The following FHL5 variants were observed in gnomAD, a reference collection of about 807,000 sequenced individuals.
FHL5 encodes four and a half LIM domains 5, also known as four and a half LIM domains protein 5.
Under a neutral mutation model 32.0 loss-of-function variants are expected in FHL5, and 33 were observed. That is an observed-to-expected ratio of 1.03 (90% CI 0.78 to 1.38). FHL5 has a LOEUF of 1.38. Among genes scored for constraint, FHL5 ranks in the 40% most tolerant of loss-of-function variants. The pLI, the probability that FHL5 is intolerant of heterozygous loss-of-function variation, is 0.00. For synonymous variants in FHL5, 114 were observed against 113.6 expected (o/e 1.00, Z -0.02); for missense variants, 336 against 343.9 (o/e 0.98, Z 0.18).
intron 1 of FHL5, among the ~76,000 whole-genome samples, chr6:96,593,434 A>G (rs1770963326): frequency 6.6e-6 from 1 of 152,172 alleles, no homozygotes; most frequent in Non-Finnish European, 1.5e-5. Flanking sequence ...ATGTGTATTT[A>G]TTCTGGTGTT....
At chr6:96,609,298 T>G (rs1771348629) in intron 4 of FHL5, among the ~76,000 whole-genome samples, 1 of 152,196 alleles carries the variant, frequency 6.6e-6, no homozygotes, top group Non-Finnish European at 1.5e-5. Context: ...ACAAAGGTTA[T>G]AGGAACCACC....
chr6:96,590,291 A>C (rs1770887190), intron 1 of FHL5, among the ~76,000 whole-genome samples: 1 of 151,966 alleles, frequency 6.6e-6, no homozygotes, highest in Non-Finnish European at 1.5e-5. Context: ...TTTTCCTTCC[A>C]TGTATTTATT....
chr6:96,573,658 A>T (rs1400009157), intron 1 of FHL5, among the ~76,000 whole-genome samples: 1 of 148,542 alleles, frequency 6.7e-6, no homozygotes, highest in African/African-American at 2.5e-5. Flanking sequence ...AGTAGCTGGG[A>T]CTACAGGTGC....
At chr6:96,602,048 G>A (rs915017406) in intron 1 of FHL5, among the ~76,000 whole-genome samples, 2 of 152,124 alleles carry the variant, frequency 1.3e-5, no homozygotes, top group Admixed American at 6.5e-5. Context: ...TTCTCTACTT[G>A]TTAGTGAAGA....
At chr6:96,584,461 T>TGTGTGTGTGTGTGTGTGTG (rs1770757947) in intron 1 of FHL5, among the ~76,000 whole-genome samples, 1 of 85,220 alleles carries the variant, frequency 1.2e-5, no homozygotes, top group Admixed American at 1.1e-4. Context: ...GTGTGTGTGT[T>TGTGTGTGTGTGTGTGTGTG]TGTGTGTGTG....
intron 1 of FHL5, among the ~76,000 whole-genome samples, chr6:96,566,014 A>T (rs1305651160): frequency 6.6e-6 from 1 of 152,032 alleles, no homozygotes; most frequent in Non-Finnish European, 1.5e-5. Context: ...AACATTTACA[A>T]TCCACTCTTC....
intron 1 of FHL5, among the ~76,000 whole-genome samples, chr6:96,587,849 C>T (rs979357041): frequency 4.6e-5 from 7 of 152,202 alleles, no homozygotes; most frequent in African/African-American, 1.7e-4. Context: ...CTCTCTACAA[C>T]TTGCTTGTTT....
chr6:96,572,363 G>T (rs1420900237), intron 1 of FHL5, among the ~76,000 whole-genome samples: 1 of 152,192 alleles, frequency 6.6e-6, no homozygotes, highest in African/African-American at 2.4e-5. Context: ...CCAAGAGACA[G>T]GATGCTGCTT....
intron 1 of FHL5, among the ~76,000 whole-genome samples, chr6:96,583,121 C>A (rs1190685579): frequency 6.6e-6 from 1 of 151,940 alleles, no homozygotes; most frequent in Non-Finnish European, 1.5e-5. Flanking sequence ...GATTTTTAAC[C>A]CAATGCTCTT....
rs1771510512 is a variant in FHL5 at position 96,615,894 on chromosome 6, GT to G, written c.*127del. 17 of 764,294 alleles carry G rather than the reference GT, an allele frequency of 2.2e-5. 1 individual carries two copies. In the East Asian group the frequency reaches 4.9e-4, roughly 22 times the overall value. The allele number at this position is 764,294 out of a possible 1,614,324, so 47.3% of individuals were successfully genotyped here. On this transcript the variant is annotated 3_prime_UTR_variant, in exon 6 of 6. Coordinates refer to ENST00000450218, the MANE Select transcript of FHL5 (RefSeq NM_001322466.2). The stretch of plus-strand genomic sequence containing the variant: ...TATTCATGTAGTTTAGAGTGGAAAA[GT>G]TTTTGCACACATTTTGATCGAACTA...
In FHL5 at chr6:96,605,948, T is replaced by C; in HGVS notation, c.381T>C (p.Cys127=). The change falls in exon 4 of 6, where the codon TGT becomes TGC. Residue 127 remains cysteine, a synonymous_variant. Coordinates refer to ENST00000450218, the MANE Select transcript of FHL5 (RefSeq NM_001322466.2). ...EFKGNYWHET[C]FVCENCRQPI... is the part of the protein sequence containing the mutation. ...AGGGAAACTACTGGCATGAAACCTGTTTTGTGTGTGAGAATTGCCGACAAC... is the reference window on the plus strand; with the variant it reads ...AGGGAAACTACTGGCATGAAACCTGCTTTGTGTGTGAGAATTGCCGACAAC... The C allele has an allele frequency of 6.2e-7, 1 of 1,614,038 alleles. No individual in the cohort carries two copies. Among genetic ancestry groups the C allele is most frequent in the Non-Finnish European group, 8.5e-7 (1 of 1,179,968 alleles).
chr6:96,572,755 T>A (rs147408214), intron 1 of FHL5, among the ~76,000 whole-genome samples: 65 of 152,292 alleles, frequency 4.3e-4, no homozygotes, highest in African/African-American at 1.4e-3. Flanking sequence ...AGGGTGTTGA[T>A]GGAGATTGTT....
At chr6:96,601,050 C>A (rs78331498) in intron 1 of FHL5, among the ~76,000 whole-genome samples, 5,637 of 152,186 alleles carry the variant, frequency 0.037, 133 homozygotes, top group African/African-American at 0.049. Context: ...TTCTTCTTTC[C>A]AGAGGCCAGG....
At chr6:96,573,988 A>G (rs1770535996) in intron 1 of FHL5, among the ~76,000 whole-genome samples, 1 of 152,146 alleles carries the variant, frequency 6.6e-6, no homozygotes, top group Admixed American at 6.5e-5. Context: ...AACTTCAATT[A>G]AGAGCCTTAA....
At chr6:96,589,343 AT>A (rs1008761437) in intron 1 of FHL5, among the ~76,000 whole-genome samples, 4 of 152,040 alleles carry the variant, frequency 2.6e-5, no homozygotes, top group Admixed American at 6.6e-5. Context: ...TGAATATTGT[AT>A]TTTTTTAACA....
At chr6:96,579,698 G>T (rs138193999) in intron 1 of FHL5, among the ~76,000 whole-genome samples, 3 of 152,198 alleles carry the variant, frequency 2.0e-5, no homozygotes, top group Non-Finnish European at 2.9e-5. Context: ...AAAAAGTCAT[G>T]AAAATTGTCA....
chr6:96,566,979 C>T (rs1770372378), intron 1 of FHL5, among the ~76,000 whole-genome samples: 1 of 151,900 alleles, frequency 6.6e-6, no homozygotes, highest in Non-Finnish European at 1.5e-5. Flanking sequence ...TGCGCAGAAG[C>T]TTTTTAGTTT....
intron 4 of FHL5, among the ~76,000 whole-genome samples, chr6:96,607,681 G>T (rs1437524013): frequency 1.3e-5 from 2 of 151,846 alleles, no homozygotes; most frequent in Non-Finnish European, 2.9e-5. Context: ...GGTCAATGAC[G>T]GCATTTAAAA....
intron 1 of FHL5, among the ~76,000 whole-genome samples, chr6:96,592,368 C>A (rs1770938928): frequency 6.6e-6 from 1 of 152,150 alleles, no homozygotes; most frequent in Admixed American, 6.5e-5. Flanking sequence ...CGGCTCTGTT[C>A]CGCCCAGCTC....
Sources: gnomAD v4.1 joint callset for allele counts (sites outside exome capture counted in the v4.1 genomes callset) on GRCh38, gnomAD v4.1.1 for gene constraint, MANE v1.5 for transcripts, NCBI Gene and HGNC (gene_info 2026-07-23, HGNC 2026-07-21) for gene names.